Variants in SGCD observed in about 807,000 individuals in gnomAD.
The protein encoded by SGCD is sarcoglycan delta.
In SGCD, 18 loss-of-function variants were observed where a neutral mutation model predicts 36.6. That is an observed-to-expected ratio of 0.49 (90% confidence interval 0.34 to 0.73). The LOEUF is 0.73. Ranked by LOEUF, SGCD falls within the 30% of genes least tolerant of loss-of-function variation. SGCD has a pLI of 0.01. For synonymous variants in SGCD, 133 were observed against 130.6 expected (o/e 1.02, Z -0.12); for missense variants, 387 against 346.7 (o/e 1.12, Z -0.92).
At chr5:156,641,046 G>T (rs759228313) in intron 6 of SGCD, among the ~76,000 whole-genome samples, 3 of 152,140 alleles carry the variant, frequency 2.0e-5, no homozygotes, top group Admixed American at 6.6e-5. Flanking sequence ...TGATCACTCA[G>T]TTCATTTTAA....
chr5:156,592,446 A>C (rs1221519356), intron 5 of SGCD, among the ~76,000 whole-genome samples: 4 of 152,080 alleles, frequency 2.6e-5, no homozygotes, highest in Admixed American at 1.3e-4. Context: ...TTGCAGAAAA[A>C]CTGAAGCCAA....
chr5:155,779,516 C>T, the SGCD span, among the ~76,000 whole-genome samples: 6,797 of 152,194 alleles, frequency 0.045, 328 homozygotes, highest in African/African-American at 0.12. Flanking sequence ...GTTGTTTCCA[C>T]ACTGTGCTCT....
chr5:156,410,527 T>A (rs1046615890), intron 3 of SGCD, among the ~76,000 whole-genome samples: 1 of 152,060 alleles, frequency 6.6e-6, no homozygotes, highest in Non-Finnish European at 1.5e-5. Context: ...AAAATGAAAG[T>A]TGGAATTATT....
the SGCD span, among the ~76,000 whole-genome samples, chr5:155,793,953 G>GAAAA: frequency 3.0e-5 from 3 of 100,342 alleles, no homozygotes; most frequent in Non-Finnish European, 4.3e-5. Context: ...AAGCAAAAAT[G>GAAAA]AAAAAAAAAA....
intron 3 of SGCD, among the ~76,000 whole-genome samples, chr5:156,483,876 T>C (rs1247759567): frequency 6.6e-6 from 1 of 152,248 alleles, no homozygotes; most frequent in Non-Finnish European, 1.5e-5. Context: ...GCAAGTGCAC[T>C]GAGCTAAATC....
Position 156,329,532 on chromosome 5 carries a change from A to G in SGCD, c.-43-2A>G. Reference sequence around the variant, plus strand: ...TTTTTAACCCATATTTGTTCCTTGCAGAGACATTACTGCCGGGAGTGTTGA... The same window carrying G: ...TTTTTAACCCATATTTGTTCCTTGCGGAGACATTACTGCCGGGAGTGTTGA... On this transcript the variant is annotated splice_acceptor_variant, in intron 1 of 8. Coordinates refer to ENST00000337851, the MANE Select transcript of SGCD (RefSeq NM_000337.6). LOFTEE classifies it low-confidence loss of function (5UTR_SPLICE). The G allele has an allele frequency of 6.2e-7, 1 of 1,608,670 alleles. No homozygotes were observed. Among genetic ancestry groups the G allele is most frequent in the South Asian group, 1.1e-5 (1 of 90,908 alleles).
intron 3 of SGCD, among the ~76,000 whole-genome samples, chr5:156,314,648 T>C (rs1010647854): frequency 6.6e-6 from 1 of 151,944 alleles, no homozygotes; most frequent in Admixed American, 6.6e-5. Context: ...TACATTCAGA[T>C]AAACTAAGTG....
intron 7 of SGCD, among the ~76,000 whole-genome samples, chr5:156,655,433 T>C (rs1184566328): frequency 6.6e-6 from 1 of 152,146 alleles, no homozygotes; most frequent in East Asian, 1.9e-4. Context: ...TTGCTACAGT[T>C]TTGGTTCATT....
At chr5:156,630,872 T>C (rs1581289568) in intron 6 of SGCD, among the ~76,000 whole-genome samples, 1 of 152,174 alleles carries the variant, frequency 6.6e-6, no homozygotes, top group African/African-American at 2.4e-5. Flanking sequence ...ATTACTACTA[T>C]TGTTCAACAT....
At chr5:156,085,879 C>A (rs1251818448) in intron 1 of SGCD, among the ~76,000 whole-genome samples, 2 of 152,140 alleles carry the variant, frequency 1.3e-5, no homozygotes, top group Non-Finnish European at 2.9e-5. Context: ...TATACTAATA[C>A]ACTAATAGCC....
intron 4 of SGCD, among the ~76,000 whole-genome samples, chr5:156,583,977 A>G (rs963083046): frequency 6.6e-6 from 1 of 152,236 alleles, no homozygotes; most frequent in African/African-American, 2.4e-5. Flanking sequence ...TCAAATGTTG[A>G]TAGAAGAAAA....
chr5:155,753,575 C>T, the SGCD span, among the ~76,000 whole-genome samples: 1 of 152,018 alleles, frequency 6.6e-6, no homozygotes, highest in Non-Finnish European at 1.5e-5. Context: ...GCAATGTGCA[C>T]AAAGGGCCAC....
intron 7 of SGCD, among the ~76,000 whole-genome samples, chr5:156,696,107 C>T (rs1278576119): frequency 6.6e-6 from 1 of 152,194 alleles, no homozygotes; most frequent in African/African-American, 2.4e-5. Flanking sequence ...TGGAACTGTT[C>T]ATGTGGGGTC....
chr5:156,303,330 C>T (rs1348024360), intron 3 of SGCD, among the ~76,000 whole-genome samples: 3 of 152,048 alleles, frequency 2.0e-5, no homozygotes, highest in Non-Finnish European at 4.4e-5. Context: ...CTTTAGTTAG[C>T]TTGTGGCAAA....
chr5:156,503,446 G>A (rs552100342), intron 3 of SGCD, among the ~76,000 whole-genome samples: 25 of 152,232 alleles, frequency 1.6e-4, no homozygotes, highest in African/African-American at 5.3e-4. Context: ...TTAGGATTAA[G>A]GATGGTTCTA....
intron 7 of SGCD, among the ~76,000 whole-genome samples, chr5:156,751,451 A>C (rs1757146629): frequency 6.6e-6 from 1 of 152,246 alleles, no homozygotes; most frequent in African/African-American, 2.4e-5. Flanking sequence ...CTATTCCAAA[A>C]GACCATAAAT....
intron 3 of SGCD, among the ~76,000 whole-genome samples, chr5:156,387,270 A>G (rs1349785564): frequency 6.6e-6 from 1 of 152,204 alleles, no homozygotes; most frequent in Non-Finnish European, 1.5e-5. Flanking sequence ...GTGTGGTGAC[A>G]TTTCAAGATT....
chr5:156,637,031 G>A (rs1452799400), intron 6 of SGCD, among the ~76,000 whole-genome samples: 3 of 152,078 alleles, frequency 2.0e-5, no homozygotes, highest in Non-Finnish European at 4.4e-5. Flanking sequence ...TTGAATTGTA[G>A]TTCCCATAAT....
the SGCD span, among the ~76,000 whole-genome samples, chr5:155,765,971 T>C: frequency 6.6e-6 from 1 of 152,068 alleles, no homozygotes; most frequent in African/African-American, 2.4e-5. Context: ...GTATGAGTCC[T>C]AGAGCCAGAT....
Sources: allele counts gnomAD v4.1 joint callset (sites outside exome capture counted in the v4.1 genomes callset), GRCh38; gene constraint gnomAD v4.1.1; transcripts MANE v1.5; gene names NCBI Gene and HGNC (gene_info 2026-07-23, HGNC 2026-07-21).